The following PARD3B variants were observed in gnomAD, a reference collection of about 807,000 sequenced individuals.
PARD3B encodes partitioning defective 3 homolog B.
Under a neutral mutation model 130.2 loss-of-function variants are expected in PARD3B, and 103 were observed. The observed-to-expected ratio is 0.79, with a 90% CI of 0.67 to 0.93. The LOEUF is 0.93. Ranked by LOEUF, PARD3B falls within the 40% of genes least tolerant of loss-of-function variation. The pLI, the probability that PARD3B is intolerant of heterozygous loss-of-function variation, is 0.00. For missense variants in PARD3B, 1,609 were observed against 1,499.2 expected (o/e 1.07, Z -1.21); for synonymous variants, 583 against 553.2 (o/e 1.05, Z -0.76).
intron 10 of PARD3B, among the ~76,000 whole-genome samples, chr2:205,126,721 C>A (rs1223249785): frequency 7.5e-6 from 1 of 133,454 alleles, no homozygotes; most frequent in African/African-American, 2.9e-5. Flanking sequence ...AGTCCGCAGT[C>A]CCACCTGGGC....
chr2:204,923,699 T>A (rs1019456606), intron 2 of PARD3B, among the ~76,000 whole-genome samples: 1 of 152,044 alleles, frequency 6.6e-6, no homozygotes, highest in African/African-American at 2.4e-5. Flanking sequence ...AATTAAATAA[T>A]TTTTTACCTG....
intron 11 of PARD3B, among the ~76,000 whole-genome samples, chr2:205,167,830 T>G (rs1253019426): frequency 6.6e-6 from 1 of 152,214 alleles, no homozygotes; most frequent in African/African-American, 2.4e-5. Context: ...TTACATCTCC[T>G]AAATAGCAGA....
intron 16 of PARD3B, among the ~76,000 whole-genome samples, chr2:205,248,411 T>C (rs1417173301): frequency 6.7e-6 from 1 of 148,244 alleles, no homozygotes; most frequent in Non-Finnish European, 1.5e-5. Flanking sequence ...GTGGTGGTGG[T>C]GGTGGCGGCA....
chr2:205,428,846 AAAT>A (rs2047233317), intron 19 of PARD3B, among the ~76,000 whole-genome samples: 1 of 152,270 alleles, frequency 6.6e-6, no homozygotes, highest in Admixed American at 6.5e-5. Flanking sequence ...AAAGGCTGAG[AAAT>A]AATAATAACC....
At chr2:204,588,933 A>C (rs1049087147) in intron 1 of PARD3B, among the ~76,000 whole-genome samples, 5 of 152,122 alleles carry the variant, frequency 3.3e-5, no homozygotes, top group African/African-American at 1.2e-4. Flanking sequence ...TGTGGTTTCA[A>C]GGTGGCTATG....
intron 2 of PARD3B, among the ~76,000 whole-genome samples, chr2:204,827,970 CT>C (rs1385095272): frequency 1.3e-5 from 2 of 152,110 alleles, no homozygotes; most frequent in African/African-American, 4.8e-5. Context: ...AAAATAGAAT[CT>C]GGGAGGTGGG....
At chr2:205,109,743 T>G (rs570833698) in intron 5 of PARD3B, among the ~76,000 whole-genome samples, 68 of 146,962 alleles carry the variant, frequency 4.6e-4, no homozygotes, top group African/African-American at 1.6e-3. Context: ...AACCTCTGCC[T>G]CCTGGGTTCA....
intron 2 of PARD3B, among the ~76,000 whole-genome samples, chr2:204,902,745 A>G (rs958458840): frequency 6.6e-6 from 1 of 151,784 alleles, no homozygotes; most frequent in African/African-American, 2.4e-5. Flanking sequence ...TCTTTAAAGG[A>G]AATGTCCTAT....
intron 1 of PARD3B, among the ~76,000 whole-genome samples, chr2:204,622,733 G>A (rs760402425): frequency 2.6e-5 from 4 of 152,044 alleles, no homozygotes; most frequent in African/African-American, 4.8e-5. Context: ...GTAATGACAA[G>A]GCCAGCTATA....
At chr2:205,512,598 A>G (rs921885122) in intron 21 of PARD3B, among the ~76,000 whole-genome samples, 2 of 152,168 alleles carry the variant, frequency 1.3e-5, no homozygotes, top group African/African-American at 4.8e-5. Context: ...TTCAGTGAAT[A>G]CTCAGCAATT....
At chr2:205,422,525 A>C (rs1159844404) in intron 19 of PARD3B, among the ~76,000 whole-genome samples, 1 of 152,190 alleles carries the variant, frequency 6.6e-6, no homozygotes, top group African/African-American at 2.4e-5. Context: ...GGTTACATAG[A>C]GCCTGAATAA....
chr2:204,783,167 A>G lies in PARD3B; in HGVS notation c.222+96885A>G, dbSNP rs1559141208. 2.6e-5 allele frequency among the ~76,000 whole-genome samples: 4 copies of G among 152,132 alleles called. No individual in the cohort carries two copies. The East Asian group carries it at 5.8e-4, about 22-fold the overall frequency. ...ATTTCATATCTGAGCTCTTCATGCA[A>G]TGGAGACAATGCAGTTTAGAACATG... On this transcript the variant is annotated intron_variant, in intron 2 of 22. Transcript: ENST00000406610.
intron 3 of PARD3B, among the ~76,000 whole-genome samples, chr2:204,989,162 T>C (rs2125235253): frequency 6.6e-6 from 1 of 152,086 alleles, no homozygotes; most frequent in Middle Eastern, 3.4e-3. Context: ...AGAAAGGAGC[T>C]GGGGAGGGTA....
At chr2:205,196,248 A>G (rs1318819423) in intron 15 of PARD3B, among the ~76,000 whole-genome samples, 1 of 152,140 alleles carries the variant, frequency 6.6e-6, no homozygotes, top group African/African-American at 2.4e-5. Flanking sequence ...ATAGTGTTAC[A>G]TTCATTAATC....
intron 22 of PARD3B, among the ~76,000 whole-genome samples, chr2:205,571,363 TGAAAGTAACAAGC>T (rs2106547899): frequency 6.6e-6 from 1 of 152,334 alleles, no homozygotes; most frequent in East Asian, 1.9e-4. Context: ...TGAGCTAACC[TGAAAGTAACAAGC>T]TGCTCACTGT....
chr2:205,057,264 T>G (rs1699701328), intron 4 of PARD3B, among the ~76,000 whole-genome samples: 1 of 150,144 alleles, frequency 6.7e-6, no homozygotes, highest in Admixed American at 6.7e-5. Flanking sequence ...TACGTATATG[T>G]TATATGTATG....
rs548942794 is a variant in PARD3B at position 205,249,010 on chromosome 2, T to TG, written c.2185+3188_2185+3189insG. ...AATATTTAGGTTAAAATAAGAGTTT[T>TG]TTTTTTTTTTTTTTTTTGAGACAGA... On this transcript the variant is annotated intron_variant, in intron 16 of 22. Transcript: ENST00000406610. Among the ~76,000 whole-genome samples, 407 of 143,592 alleles carry TG rather than the reference T, an allele frequency of 2.8e-3. 10 individuals carry two copies. In the East Asian group the frequency reaches 0.037, roughly 13 times the overall value. The allele number at this position is 143,592 out of a possible 152,430, so 94.2% of individuals were successfully genotyped here. A position where few individuals can be genotyped will look rare whatever the true frequency, so the allele number is the denominator to read the frequency against.
chr2:204,904,430 T>C (rs1162333142), intron 2 of PARD3B, among the ~76,000 whole-genome samples: 1 of 152,198 alleles, frequency 6.6e-6, no homozygotes, highest in Admixed American at 6.5e-5. Context: ...ATTTGTTTTC[T>C]TTTGTGGCTT....
At chr2:205,009,663 TCC>T (rs1695555712) in intron 3 of PARD3B, among the ~76,000 whole-genome samples, 3 of 105,348 alleles carry the variant, frequency 2.8e-5, no homozygotes, top group Non-Finnish European at 5.7e-5. Context: ...AGAGCGAGAC[TCC>T]GTCTCAAAAA....
Sources: gnomAD v4.1 joint callset for allele counts (sites outside exome capture counted in the v4.1 genomes callset) on GRCh38, gnomAD v4.1.1 for gene constraint, MANE v1.5 for transcripts, NCBI Gene and HGNC (gene_info 2026-07-23, HGNC 2026-07-21) for gene names.